Variants in RAD17 observed in about 807,000 individuals in gnomAD.
RAD17 encodes RAD17 checkpoint clamp loader component.
In RAD17, 31 loss-of-function variants were observed where a neutral mutation model predicts 81.5. The observed-to-expected ratio is 0.38, with a 90% CI of 0.29 to 0.51. The LOEUF (loss-of-function observed/expected upper bound fraction) is 0.51, where lower values mean the gene tolerates loss of function less well. RAD17 is among the 20% of genes least tolerant of loss of function. The pLI is 0.88. For missense variants in RAD17, 681 were observed against 781.2 expected (o/e 0.87, Z 1.53); for synonymous variants, 261 against 266.2 (o/e 0.98, Z 0.19).
chr5:69,374,850 G>A, intron 6 of RAD17, 139 bp downstream of exon 6: 1 of 693,864 alleles, frequency 1.4e-6, no homozygotes, highest in Non-Finnish European at 2.4e-6. Flanking sequence ...CCCTAGTGGG[G>A]CATGGTGACT....
At chr5:69,382,480 G>A (rs1038375266) in intron 7 of RAD17, among the ~76,000 whole-genome samples, 2 of 152,114 alleles carry the variant, frequency 1.3e-5, no homozygotes, top group Non-Finnish European at 2.9e-5. Context: ...TCAGGAGAAG[G>A]AAAGAAAGCA....
intron 12 of RAD17, among the ~76,000 whole-genome samples, chr5:69,391,478 T>C (rs1165736376): frequency 6.6e-6 from 1 of 152,174 alleles, no homozygotes; most frequent in Non-Finnish European, 1.5e-5. Context: ...TACAAAGTGC[T>C]CCAATGAGCA....
At chr5:69,377,541 A>ACG (rs1763482036) in intron 6 of RAD17, among the ~76,000 whole-genome samples, 1 of 24,856 alleles carries the variant, frequency 4.0e-5, no homozygotes, top group African/African-American at 9.5e-5. Flanking sequence ...ATATATACGT[A>ACG]TATATATGCA....
In RAD17 at chr5:69,400,119, C is replaced by A; in HGVS notation, c.1643C>A (p.Thr548Asn). The A allele has an allele frequency of 6.2e-7, 1 of 1,602,692 alleles. No individual in the cohort carries two copies. The highest frequency in any genetic ancestry group is 8.5e-7 in the Non-Finnish European group (1 of 1,174,990). ...TGCCTACCAGCTTTATGCCTCCAAACTCAGCTATTGCCATACCTTGCTCTA... is the reference window on the plus strand; with the variant it reads ...TGCCTACCAGCTTTATGCCTCCAAAATCAGCTATTGCCATACCTTGCTCTA... ...DFCLPALCLQ[T>N]QLLPYLALLT... Residue 548 changes from threonine (T) to asparagine (N), a missense_variant, in exon 17 of 19, where the codon ACT becomes AAT. Transcript: ENST00000354868.
chr5:69,374,186 A>C, intron 5 of RAD17, 99 bp downstream of exon 5: 1 of 1,096,698 alleles, frequency 9.1e-7, no homozygotes, highest in Non-Finnish European at 1.3e-6. Context: ...TTTTTTACTC[A>C]TAAGAATCTT....
upstream of RAD17, chr5:69,369,444 C>T (rs1330311692): frequency 6.2e-7 from 1 of 1,609,692 alleles, no homozygotes; most frequent in Non-Finnish European, 8.5e-7. Context: ...CCCAGTCCCT[C>T]CCGGCCGCGC....
At chr5:69,413,902 G>A (rs1256260473) in intron 18 of RAD17, 129 bp from the exon 19 acceptor site, 1 of 1,161,604 alleles carries the variant, frequency 8.6e-7, no homozygotes, top group Non-Finnish European at 1.2e-6. Context: ...TGTTTTTATA[G>A]TTAAAGGGAC....
chr5:69,397,594 T>C (rs1004046173), intron 16 of RAD17, among the ~76,000 whole-genome samples: 1 of 152,104 alleles, frequency 6.6e-6, no homozygotes, highest in African/African-American at 2.4e-5. Context: ...TGAGATCCCA[T>C]ATCTACAAGA....
chr5:69,388,906 C>T (rs1764376308), intron 11 of RAD17, 128 bp from the exon 12 acceptor site: 1 of 506,438 alleles, frequency 2.0e-6, no homozygotes, highest in Non-Finnish European at 3.3e-6. Flanking sequence ...CCGTGCCCAG[C>T]CCTTTTTAGT....
At position 69,371,185 on chromosome 5, in the gene RAD17, A is replaced by G. The variant is rs1762948805; in HGVS notation, c.-280+14A>G. On this transcript the variant is annotated intron_variant, in intron 2 of 18. Transcript: ENST00000354868. The stretch of plus-strand genomic sequence containing the variant: ...TAATGACAAAAGGTAAGTACATAGT[A>G]TGTGTGGTTTTTTTGTTTTTTTTTT... The G allele has an allele frequency of 2.0e-6, 1 of 504,708 alleles. No individual in the cohort carries two copies. The allele number at this position is 504,708 out of a possible 1,614,324, so 31.3% of individuals were successfully genotyped here. A position where few individuals can be genotyped will look rare whatever the true frequency, so the allele number is the denominator to read the frequency against.
intron 17 of RAD17, among the ~76,000 whole-genome samples, 197 bp downstream of exon 17, chr5:69,400,366 C>T (rs954512682): frequency 3.3e-5 from 5 of 151,708 alleles, no homozygotes; most frequent in Non-Finnish European, 5.9e-5. Context: ...CACAGGCACG[C>T]GCCCCCACAC....
upstream of RAD17, chr5:69,369,436 C>G (rs759478703): frequency 9.3e-6 from 15 of 1,608,926 alleles, no homozygotes; most frequent in Non-Finnish European, 1.3e-5. Context: ...TGCCCCAGCC[C>G]AGTCCCTCCC....
chr5:69,394,684 C>A (rs1764773599), intron 15 of RAD17, among the ~76,000 whole-genome samples: 1 of 152,130 alleles, frequency 6.6e-6, no homozygotes, highest in African/African-American at 2.4e-5. Context: ...ATTGAACAGC[C>A]CAGATACAAA....
rs1433333227 is a variant in RAD17 at position 69,414,284 on chromosome 5, G to T, written c.2005G>T (p.Gly669Trp). Residue 669 changes from glycine (G) to tryptophan (W), a missense_variant, in exon 19 of 19, where the codon GGG (glycine) becomes TGG (tryptophan). Gly to Trp is a radical substitution (Grantham distance 184). Transcript: ENST00000354868. ...AATAATAGAAGACTACGAGAGTGAT[G>T]GGACATAGAAGCCAGCCTGCTAATC... Reference protein sequence around the residue: ...NIIIEDYESDGT With the variant: ...NIIIEDYESDWT 1 of 1,613,892 alleles carries T rather than the reference G, an allele frequency of 6.2e-7. No homozygotes were observed. Among genetic ancestry groups the T allele is most frequent in the Middle Eastern group, 1.7e-4 (1 of 6,060 alleles).
intron 17 of RAD17, among the ~76,000 whole-genome samples, chr5:69,409,668 AT>A (rs1765845220): frequency 6.6e-6 from 1 of 152,066 alleles, no homozygotes. Flanking sequence ...TTCTTTTTGC[AT>A]TTTTAATTGT....
At chr5:69,403,682 G>A (rs180862541) in intron 17 of RAD17, among the ~76,000 whole-genome samples, 227 of 152,278 alleles carry the variant, frequency 1.5e-3, no homozygotes, top group African/African-American at 5.3e-3. Context: ...AACTTTGGGC[G>A]GCCAAGGTGG....
intron 6 of RAD17, among the ~76,000 whole-genome samples, chr5:69,377,482 CACACAT>C (rs1763452505): frequency 6.0e-5 from 4 of 66,138 alleles, no homozygotes; most frequent in South Asian, 6.1e-4. Flanking sequence ...TATACACACA[CACACAT>C]ATATATACGT....
In RAD17 at chr5:69,377,265, A is replaced by T. The variant is rs1351875634; in HGVS notation, c.351+2554A>T. On this transcript the variant is annotated intron_variant, in intron 6 of 18. Transcript: ENST00000354868. ...CTTACATCCAGGCTTTTTCTCATTG[A>T]TTTGTTTTTGGTCAGCTTAGCTAAT... Among the ~76,000 whole-genome samples the T allele has an allele frequency of 2.0e-5, 3 of 150,866 alleles. No homozygotes were observed. The East Asian group carries it at 5.9e-4, about 30-fold the overall frequency.
At position 69,374,022 on chromosome 5, in the gene RAD17, G is replaced by A. The variant is rs1461840847; in HGVS notation, c.202G>A (p.Glu68Lys). 6.2e-7 allele frequency: 1 copy of A among 1,611,088 alleles called. No homozygotes were observed. The highest frequency in any genetic ancestry group is 8.5e-7 in the Non-Finnish European group (1 of 1,178,012). The stretch of plus-strand genomic sequence containing the variant: ...TTCCTTAGAACAGATTTATGGTTTA[G>A]AAAATTCAAAAGAATATCTGTCTGA... ...LSSLEQIYGL[E>K]NSKEYLSENE... The change falls in exon 5 of 19, where the codon GAA becomes AAA. Residue 68 changes from glutamate (E) to lysine (K), a missense_variant. Physicochemically the swap from Glu to Lys is moderately conservative, Grantham distance 56. Coordinates refer to ENST00000354868, the MANE Select transcript of RAD17 (RefSeq NM_133338.3).
Sources: allele counts gnomAD v4.1 joint callset (sites outside exome capture counted in the v4.1 genomes callset), GRCh38; gene constraint gnomAD v4.1.1; transcripts MANE v1.5; gene names NCBI Gene and HGNC (gene_info 2026-07-23, HGNC 2026-07-21).